Variants in WDR11 observed in about 807,000 individuals in gnomAD.
The protein encoded by WDR11 is WD repeat domain 11.
In WDR11, 83 loss-of-function variants were observed where a neutral mutation model predicts 151.2. That is an observed-to-expected ratio of 0.55 (90% CI 0.46 to 0.66). The LOEUF is 0.66. WDR11 is among the 30% of genes least tolerant of loss of function. The pLI, the probability that WDR11 is intolerant of heterozygous loss-of-function variation, is 0.00. For missense variants in WDR11, 1,301 were observed against 1,480.9 expected (o/e 0.88, Z 1.99); for synonymous variants, 484 against 533.1 (o/e 0.91, Z 1.27).
Position 120,908,646 on chromosome 10 carries a change from C to G in WDR11, c.3608C>G (p.Ala1203Gly), listed in dbSNP as rs1848162268. Residue 1203 changes from alanine to glycine, a missense_variant, in exon 29 of 29, where the codon GCC (alanine) becomes GGC (glycine). This residue lies in a region of WDR11 where 589 missense variants were observed against 670.6 expected (regional missense o/e 0.88). Coordinates refer to ENST00000263461, the MANE Select transcript of WDR11 (RefSeq NM_018117.12). ...KQGAVLFASK[A>G]GAAGKDLLNE... ...GGAGCAGTTCTCTTTGCTTCAAAAG[C>G]CGGAGCAGCTGGCAAAGACTTATTG... is the stretch of plus-strand genomic sequence containing the variant. The G allele has an allele frequency of 8.1e-6, 13 of 1,614,028 alleles. No individual in the cohort carries two copies. Among genetic ancestry groups the G allele is most frequent in the Non-Finnish European group, 8.5e-6 (10 of 1,180,026 alleles).
chr10:120,852,408 A>T (rs1590047666), intron 1 of WDR11, 116 bp from the exon 2 acceptor site: 1 of 855,082 alleles, frequency 1.2e-6, no homozygotes, highest in African/African-American at 1.7e-5. Flanking sequence ...TTGGGTTTAA[A>T]TGATTTTATT....
At chr10:120,887,662 A>G (rs1847267829) in intron 16 of WDR11, among the ~76,000 whole-genome samples, 1 of 152,130 alleles carries the variant, frequency 6.6e-6, no homozygotes, top group South Asian at 2.1e-4. Context: ...CTCACAGGCT[A>G]TTGCACATTA....
intron 11 of WDR11, among the ~76,000 whole-genome samples, 173 bp from the exon 12 acceptor site, chr10:120,878,180 G>A (rs1362424955): frequency 6.6e-6 from 1 of 152,098 alleles, no homozygotes; most frequent in Non-Finnish European, 1.5e-5. Flanking sequence ...TATGTGTTAG[G>A]TATGGTAATA....
chr10:120,865,046 G>T lies in WDR11; in HGVS notation c.714-1G>T, dbSNP rs1389879973. On this transcript the variant is annotated splice_acceptor_variant, in intron 5 of 28. Coordinates refer to ENST00000263461, the MANE Select transcript of WDR11 (RefSeq NM_018117.12). LOFTEE classifies it high-confidence loss of function. ...CCCAAGTGAATGTTTACTTTTTTCA[G>T]TGCTGAATTCATAACTCTCAATGAT... 6.2e-7 allele frequency: 1 copy of T among 1,613,694 alleles called. No homozygotes were observed. The highest frequency in any genetic ancestry group is 8.5e-7 in the Non-Finnish European group (1 of 1,179,750).
chr10:120,862,120 T>C (rs1846160736), intron 4 of WDR11, among the ~76,000 whole-genome samples: 1 of 149,128 alleles, frequency 6.7e-6, no homozygotes, highest in Non-Finnish European at 1.5e-5. Flanking sequence ...AGTTTTTTTG[T>C]TTGTTTGTTT....
In WDR11 at chr10:120,871,342, T is replaced by A; in HGVS notation, c.1467T>A (p.Ala489=). The part of the protein sequence containing the change: ...KNIKMYQPLL[A]VGTSNGSVLV... ...TCAAGATGTATCAGCCACTGCTGGC[T>A]GTTGGTGAGTATTTGACCTGGTCTT... Residue 489 remains alanine (A), a synonymous_variant, in exon 10 of 29, where the codon GCT becomes GCA. Transcript: ENST00000263461. 1 of 1,614,008 alleles carries A rather than the reference T, an allele frequency of 6.2e-7. No homozygotes were observed. Among genetic ancestry groups the A allele is most frequent in the Non-Finnish European group, 8.5e-7 (1 of 1,179,970 alleles).
In WDR11 at chr10:120,854,046, T is replaced by A. The variant is rs183308664; in HGVS notation, c.198+1411T>A. On this transcript the variant is annotated intron_variant, in intron 2 of 28. Coordinates refer to ENST00000263461, the MANE Select transcript of WDR11 (RefSeq NM_018117.12). ...TTAAATAATAGCTTTATTGAGATAC[T>A]CATACCATAAAATGTACTGACTTAA... is the stretch of plus-strand genomic sequence containing the variant. Among the ~76,000 whole-genome samples the A allele has an allele frequency of 2.1e-4, 32 of 152,304 alleles. No individual in the cohort carries two copies. In the East Asian group the frequency reaches 4.2e-3, roughly 20 times the overall value.
chr10:120,871,316 A>T lies in WDR11; in HGVS notation c.1441A>T (p.Ile481Phe). Residue 481 changes from isoleucine (I) to phenylalanine (F), a missense_variant, in exon 10 of 29, where the codon ATC becomes TTC. Ile to Phe is a conservative substitution (Grantham distance 21). Transcript: ENST00000263461. ...RMCPPLTTKN[I>F]KMYQPLLAVG... The stretch of plus-strand genomic sequence containing the variant: ...GTGTCCACCGTTGACCACAAAAAAC[A>T]TCAAGATGTATCAGCCACTGCTGGC... The T allele has an allele frequency of 6.2e-7, 1 of 1,613,864 alleles. No homozygotes were observed. Among genetic ancestry groups the T allele is most frequent in the Non-Finnish European group, 8.5e-7 (1 of 1,179,992 alleles).
chr10:120,865,156 G>A lies in WDR11; in HGVS notation c.823G>A (p.Val275Met), dbSNP rs145467317. 11 of 1,613,798 alleles carry A rather than the reference G, an allele frequency of 6.8e-6. No individual in the cohort carries two copies. Among genetic ancestry groups the A allele is most frequent in the Middle Eastern group, 3.3e-4 (2 of 6,080 alleles). ...AGAGATTTTAATCCTTGACCTTGAG[G>A]TGAATCAGACGGTGGGTGTGATTGC... is the stretch of plus-strand genomic sequence containing the variant. ...PREILILDLE[V>M]NQTVGVIAIE... The change falls in exon 6 of 29, where the codon GTG becomes ATG. Residue 275 changes from valine (V) to methionine (M), a missense_variant. Physicochemically the swap from Val to Met is conservative, Grantham distance 21. Transcript: ENST00000263461.
Position 120,862,894 on chromosome 10 carries a change from A to C in WDR11, c.686A>C (p.Lys229Thr). 1 of 1,613,670 alleles carries C rather than the reference A, an allele frequency of 6.2e-7. No individual in the cohort carries two copies. Among genetic ancestry groups the C allele is most frequent in the Admixed American group, 1.7e-5 (1 of 60,006 alleles). Residue 229 changes from lysine to threonine, a missense_variant, in exon 5 of 29, where the codon AAA becomes ACA. By Grantham distance (78) the Lys-to-Thr change is moderately conservative. Around this residue, in one of 3 missense-constraint regions of WDR11, gnomAD observed 692 missense variants for 762.5 expected, o/e 0.91. Coordinates refer to ENST00000263461, the MANE Select transcript of WDR11 (RefSeq NM_018117.12). ...GCCAAGAAAGCTCTAAATAAAGTAAAAATTTTAATCACTCAAGAGAAACCT... is the reference window on the plus strand; with the variant it reads ...GCCAAGAAAGCTCTAAATAAAGTAACAATTTTAATCACTCAAGAGAAACCT... ...TGAKKALNKV[K>T]ILITQEKPSA...
chr10:120,884,806 A>C (rs186990501), intron 14 of WDR11, among the ~76,000 whole-genome samples: 1 of 152,294 alleles, frequency 6.6e-6, no homozygotes, highest in Admixed American at 6.5e-5. Flanking sequence ...TGAAGAGCTA[A>C]TGAGAGGCAG....
intron 4 of WDR11, 171 bp from the exon 5 acceptor site, chr10:120,862,564 C>T: frequency 1.5e-6 from 1 of 664,532 alleles, no homozygotes; most frequent in Non-Finnish European, 2.6e-6. Context: ...TGTAATGGAC[C>T]ACCTGTTTCT....
At position 120,903,250 on chromosome 10, in the gene WDR11, G is replaced by C. The variant is rs770791568; in HGVS notation, c.2931+18G>C. On this transcript the variant is annotated intron_variant, in intron 23 of 28. Coordinates refer to ENST00000263461, the MANE Select transcript of WDR11 (RefSeq NM_018117.12). The stretch of plus-strand genomic sequence containing the variant: ...ACTTTCAGGTAGTCTGCTTCACACA[G>C]CAAAACCTTTAGAGCTGTCATCTTG... The C allele has an allele frequency of 2.5e-6, 4 of 1,613,778 alleles. No homozygotes were observed. The highest frequency in any genetic ancestry group is 1.7e-5 in the Admixed American group (1 of 59,998).
chr10:120,857,199 ATG>A lies in WDR11; in HGVS notation c.199-1441_199-1440del, dbSNP rs559327709. Among the ~76,000 whole-genome samples the A allele has an allele frequency of 2.1e-4, 32 of 152,358 alleles. No homozygotes were observed. The South Asian group carries it at 4.8e-3, about 23-fold the overall frequency. The stretch of plus-strand genomic sequence containing the variant: ...GAAGTCACCAGCAAAAGGAACAAAA[ATG>A]TGAAAAATGTGGTACTAAATAAATC... On this transcript the variant is annotated intron_variant, in intron 2 of 28. Transcript: ENST00000263461.
At chr10:120,903,742 T>G (rs1418389207) in intron 23 of WDR11, among the ~76,000 whole-genome samples, 1 of 152,220 alleles carries the variant, frequency 6.6e-6, no homozygotes, top group African/African-American at 2.4e-5. Context: ...TGGTTTGAAT[T>G]TGCTGTTCAC....
chr10:120,904,837 ATC>A (rs1847972576), intron 25 of WDR11, 26 bp downstream of exon 25: 10 of 1,613,816 alleles, frequency 6.2e-6, no homozygotes, highest in African/African-American at 1.3e-5. Context: ...TATGTTTGTC[ATC>A]TCTCTGAAAA....
chr10:120,905,182 G>A lies in WDR11; in HGVS notation c.3194-137G>A, dbSNP rs10788127. 500,579 of 846,632 alleles carry A rather than the reference G, an allele frequency of 0.59. 150,575 individuals carry two copies. The highest frequency in any genetic ancestry group is 0.81 in the African/African-American group (48,313 of 59,614). The allele number at this position is 846,632 out of a possible 1,614,324, so 52.4% of individuals were successfully genotyped here. The stretch of plus-strand genomic sequence containing the variant: ...GTAAAACTCTTAATATTATGTTTCA[G>A]AATTTAAATCAAGAATGTCTTCAGT... On this transcript the variant is annotated intron_variant, in intron 25 of 28. Coordinates refer to ENST00000263461, the MANE Select transcript of WDR11 (RefSeq NM_018117.12).
intron 11 of WDR11, among the ~76,000 whole-genome samples, chr10:120,876,435 C>T (rs900592565): frequency 6.6e-6 from 1 of 152,194 alleles, no homozygotes; most frequent in African/African-American, 2.4e-5. Context: ...TCCCCAGATA[C>T]ATTTACGTGG....
At chr10:120,893,842 G>A (rs1192816030) in intron 19 of WDR11, among the ~76,000 whole-genome samples, 14 of 150,314 alleles carry the variant, frequency 9.3e-5, no homozygotes, top group South Asian at 8.4e-4. Context: ...CATATCCTTC[G>A]CCCACTTTTT....
Sources: allele counts gnomAD v4.1 joint callset (sites outside exome capture counted in the v4.1 genomes callset), GRCh38; gene constraint gnomAD v4.1.1; regional missense constraint gnomAD v4.1.1; transcripts MANE v1.5; gene names NCBI Gene and HGNC (gene_info 2026-07-23, HGNC 2026-07-21).